CHST11: variants seen among roughly 807,000 people sequenced by gnomAD.
The protein encoded by CHST11 is C4S-1.
CHST11 carries 9 observed loss-of-function variants against 30.4 expected under a neutral mutation model. The observed-to-expected ratio is 0.30, with a 90% confidence interval of 0.18 to 0.52. The LOEUF is 0.52. CHST11 is among the 20% of genes least tolerant of loss of function. The probability of loss-of-function intolerance (pLI) is 0.97; values close to 1 mark genes in which losing one functional copy is unlikely to be tolerated. For synonymous variants in CHST11, 152 were observed against 187.8 expected, an observed-to-expected ratio of 0.81 and a Z score of 1.56; for missense variants, 348 against 460.6, an observed-to-expected ratio of 0.76 and a Z score of 2.24.
At chr12:104,588,362 C>T (rs1035867840) in intron 1 of CHST11, among the ~76,000 whole-genome samples, 2 of 152,146 alleles carry the variant, frequency 1.3e-5, no homozygotes, top group Admixed American at 6.5e-5. Flanking sequence ...TTTAAGAAAA[C>T]AATTTTGGCA....
Position 104,548,234 on chromosome 12 carries a change from T to C in CHST11, c.119-53672T>C, listed in dbSNP as rs1030118695. ...TGCTTAGTGGTTTATGATAGGAAGA[T>C]GTGTGGTTAGAAAGCAGGGAAGGAG... is the stretch of plus-strand genomic sequence containing the variant. On this transcript the variant is annotated intron_variant, in intron 1 of 2. Coordinates refer to ENST00000303694, the MANE Select transcript of CHST11 (RefSeq NM_018413.6). Among the ~76,000 whole-genome samples the C allele has an allele frequency of 2.6e-5, 4 of 152,282 alleles. No individual in the cohort carries two copies. The East Asian group carries it at 5.8e-4, about 22-fold the overall frequency.
chr12:104,647,179 T>G (rs1213317163), intron 2 of CHST11, among the ~76,000 whole-genome samples: 1 of 152,222 alleles, frequency 6.6e-6, no homozygotes, highest in Non-Finnish European at 1.5e-5. Context: ...AGGTCCCTCT[T>G]ACCTCCACGA....
intron 2 of CHST11, among the ~76,000 whole-genome samples, chr12:104,666,702 G>GA (rs1439417235): frequency 1.3e-4 from 20 of 152,276 alleles, no homozygotes; most frequent in African/African-American, 4.8e-4. Context: ...TTTCCTGATT[G>GA]AAAAAAGATG....
chr12:104,658,918 G>A (rs2039571371), intron 2 of CHST11, among the ~76,000 whole-genome samples: 2 of 152,366 alleles, frequency 1.3e-5, no homozygotes, highest in South Asian at 2.1e-4. Context: ...CCAAGGGCAC[G>A]CTGCTAGTAA....
intron 2 of CHST11, among the ~76,000 whole-genome samples, chr12:104,657,803 C>T (rs1192804550): frequency 2.0e-5 from 3 of 152,162 alleles, no homozygotes; most frequent in African/African-American, 7.2e-5. Context: ...TCCCCAGGCT[C>T]CAGTGTGGTG....
chr12:104,596,359 C>T (rs112507943), intron 1 of CHST11, among the ~76,000 whole-genome samples: 27 of 152,352 alleles, frequency 1.8e-4, no homozygotes, highest in African/African-American at 4.3e-4. Flanking sequence ...TGTCCGAAGT[C>T]AACCGAGTAT....
intron 2 of CHST11, among the ~76,000 whole-genome samples, chr12:104,753,311 C>T (rs2040449122): frequency 6.6e-6 from 1 of 152,118 alleles, no homozygotes; most frequent in Admixed American, 6.6e-5. Context: ...AAATGGAGAT[C>T]CTAATAATCT....
intron 1 of CHST11, among the ~76,000 whole-genome samples, chr12:104,584,912 G>A (rs1704888): frequency 0.53 from 81,207 of 152,052 alleles, 22,472 homozygotes; most frequent in East Asian, 0.85. Context: ...GATTTGAAGG[G>A]TGTAAACATC....
chr12:104,490,956 C>G (rs918706725), intron 1 of CHST11, among the ~76,000 whole-genome samples: 1 of 152,082 alleles, frequency 6.6e-6, no homozygotes, highest in Admixed American at 6.5e-5. Flanking sequence ...TCACTTCTCT[C>G]TCTCCAACTT....
chr12:104,683,200 G>T (rs1027029774), intron 2 of CHST11, among the ~76,000 whole-genome samples: 13 of 152,170 alleles, frequency 8.5e-5, no homozygotes, highest in Non-Finnish European at 1.8e-4. Flanking sequence ...GTATCCACCT[G>T]CTCAGTGCGA....
At chr12:104,644,755 G>A (rs1398116189) in intron 2 of CHST11, among the ~76,000 whole-genome samples, 4 of 152,328 alleles carry the variant, frequency 2.6e-5, no homozygotes, top group South Asian at 4.1e-4. Flanking sequence ...AAGACTGGCT[G>A]GACCTCCATC....
chr12:104,662,528 C>T (rs145227181), intron 2 of CHST11, among the ~76,000 whole-genome samples: 15 of 152,180 alleles, frequency 9.9e-5, no homozygotes, highest in African/African-American at 2.6e-4. Flanking sequence ...CAAATGATAA[C>T]GATTTTTAGG....
intron 2 of CHST11, among the ~76,000 whole-genome samples, chr12:104,698,587 A>G (rs1311332304): frequency 6.6e-6 from 1 of 152,216 alleles, no homozygotes; most frequent in Non-Finnish European, 1.5e-5. Context: ...TACAGAAGGC[A>G]TTCAATTAAA....
intron 2 of CHST11, among the ~76,000 whole-genome samples, chr12:104,678,331 G>A (rs527621747): frequency 6.6e-6 from 1 of 152,296 alleles, no homozygotes; most frequent in Non-Finnish European, 1.5e-5. Context: ...CACCACCTCT[G>A]GAATGGAACT....
At chr12:104,737,562 G>A (rs2040311719) in intron 2 of CHST11, among the ~76,000 whole-genome samples, 1 of 152,202 alleles carries the variant, frequency 6.6e-6, no homozygotes, top group South Asian at 2.1e-4. Flanking sequence ...TCATAGATTA[G>A]TTAGTGAATG....
Position 104,457,344 on chromosome 12 carries a change from G to A in CHST11, c.-68G>A, listed in dbSNP as rs1197543821. 5.5e-5 allele frequency: 63 copies of A among 1,144,496 alleles called. No homozygotes were observed. The highest frequency in any genetic ancestry group is 7.5e-5 in the Non-Finnish European group (58 of 771,658). 70.9% of individuals were successfully genotyped at this position (1,144,496 alleles called of 1,614,324 possible). On this transcript the variant is annotated 5_prime_UTR_variant, in exon 1 of 3. Transcript: ENST00000303694. ...CCTCCCGGGCTCCGGTCCGCGCGGC[G>A]GGGTCCCTGCTCCTGCGCCCCGGGC...
intron 2 of CHST11, among the ~76,000 whole-genome samples, chr12:104,697,652 C>G (rs1006767724): frequency 1.3e-5 from 2 of 152,158 alleles, no homozygotes; most frequent in African/African-American, 4.8e-5. Flanking sequence ...CCCTAACACA[C>G]AGATGTTTTG....
At chr12:104,675,818 A>C (rs150633049) in intron 2 of CHST11, among the ~76,000 whole-genome samples, 21 of 152,326 alleles carry the variant, frequency 1.4e-4, no homozygotes, top group African/African-American at 4.8e-4. Context: ...GGCTGTAAGC[A>C]CTCAGTTCCA....
intron 2 of CHST11, among the ~76,000 whole-genome samples, chr12:104,710,963 C>G (rs188503282): frequency 2.6e-5 from 4 of 152,336 alleles, no homozygotes; most frequent in Admixed American, 6.5e-5. Context: ...CTATTAGCCT[C>G]TATCGTAGAG....
Sources: allele counts gnomAD v4.1 joint callset (sites outside exome capture counted in the v4.1 genomes callset), GRCh38; gene constraint gnomAD v4.1.1; transcripts MANE v1.5; gene names NCBI Gene and HGNC (gene_info 2026-07-23, HGNC 2026-07-21).